The following MYRFL variants were observed in gnomAD, a reference collection of about 807,000 sequenced individuals.
MYRFL encodes myelin regulatory factor like.
A neutral mutation model predicts 109.4 loss-of-function variants in MYRFL; 88 were observed. That is an observed-to-expected ratio of 0.80 (90% confidence interval 0.68 to 0.96). MYRFL has a LOEUF of 0.96. Ranked by LOEUF, MYRFL falls within the 40% of genes least tolerant of loss-of-function variation. The pLI, the probability that MYRFL is intolerant of heterozygous loss-of-function variation, is 0.00. For missense variants in MYRFL, 957 were observed against 954.9 expected, an observed-to-expected ratio of 1.00 and a Z score of -0.03; for synonymous variants, 324 against 320.9, an observed-to-expected ratio of 1.01 and a Z score of -0.10.
At chr12:69,872,753 C>G (rs1217820863) in intron 2 of MYRFL, among the ~76,000 whole-genome samples, 1 of 152,082 alleles carries the variant, frequency 6.6e-6, no homozygotes, top group African/African-American at 2.4e-5. Flanking sequence ...CCTGCCTCGG[C>G]CTCCCAAAGT....
intron 2 of MYRFL, among the ~76,000 whole-genome samples, chr12:69,861,906 A>G (rs1320658220): frequency 6.6e-6 from 1 of 151,886 alleles, no homozygotes; most frequent in Non-Finnish European, 1.5e-5. Context: ...TCTTTAATCC[A>G]TCTTGAATTA....
chr12:69,870,341 T>C (rs1885284015), intron 2 of MYRFL, among the ~76,000 whole-genome samples: 1 of 150,724 alleles, frequency 6.6e-6, no homozygotes, highest in African/African-American at 2.4e-5. Flanking sequence ...GCCTCCCGAA[T>C]CTCTTGATTT....
At chr12:69,840,888 C>A (rs185115924) in intron 1 of MYRFL, among the ~76,000 whole-genome samples, 2 of 152,328 alleles carry the variant, frequency 1.3e-5, no homozygotes, top group East Asian at 3.9e-4. Context: ...ACACAATGTG[C>A]TTGAACTATT....
At chr12:69,854,890 A>G (rs1884177130) in intron 1 of MYRFL, among the ~76,000 whole-genome samples, 1 of 152,194 alleles carries the variant, frequency 6.6e-6, no homozygotes, top group African/African-American at 2.4e-5. Context: ...TTTTTATAGT[A>G]TGCAGCCCTA....
chr12:69,900,477 A>G (rs1954145017), intron 10 of MYRFL, among the ~76,000 whole-genome samples: 1 of 152,158 alleles, frequency 6.6e-6, no homozygotes, highest in Non-Finnish European at 1.5e-5. Flanking sequence ...GAACACAGAT[A>G]CCTGTGTTTT....
intron 1 of MYRFL, among the ~76,000 whole-genome samples, chr12:69,837,940 G>A (rs552722411): frequency 6.6e-6 from 1 of 152,064 alleles, no homozygotes; most frequent in East Asian, 1.9e-4. Context: ...CCTAGGGACT[G>A]GTACATAGCA....
intron 5 of MYRFL, among the ~76,000 whole-genome samples, chr12:69,882,499 T>A (rs1886187825): frequency 6.6e-6 from 1 of 152,160 alleles, no homozygotes; most frequent in Non-Finnish European, 1.5e-5. Context: ...GTTATGCCAG[T>A]CTTACAGGCA....
intron 19 of MYRFL, among the ~76,000 whole-genome samples, chr12:69,940,598 A>G (rs1191603550): frequency 6.6e-6 from 1 of 152,226 alleles, no homozygotes; most frequent in African/African-American, 2.4e-5. Context: ...CTGCAAAATC[A>G]TCGAGGCTAG....
intron 14 of MYRFL, among the ~76,000 whole-genome samples, chr12:69,927,177 T>C (rs1261638): frequency 0.28 from 41,848 of 151,830 alleles, 6,069 homozygotes; most frequent in Non-Finnish European, 0.33. Context: ...ACTCCTGACC[T>C]CAGGTGTTCC....
rs1314327317 is a variant in MYRFL at position 69,895,301 on chromosome 12, A to G, written c.981-70A>G. On this transcript the variant is annotated intron_variant, in intron 8 of 24. Coordinates refer to ENST00000552032, the MANE Select transcript of MYRFL (RefSeq NM_182530.3). ...AGCATAGATGAGAGTCTGAAAGTGG[A>G]TTAGATATGATCAGAGATTTGGTGT... The G allele has an allele frequency of 3.5e-6, 4 of 1,135,546 alleles. No individual in the cohort carries two copies. In the African/African-American group the frequency reaches 4.7e-5, roughly 13 times the overall value. 70.3% of individuals were successfully genotyped at this position (1,135,546 alleles called of 1,614,324 possible). A position where few individuals can be genotyped will look rare whatever the true frequency, so the allele number is the denominator to read the frequency against.
intron 2 of MYRFL, among the ~76,000 whole-genome samples, chr12:69,857,549 T>C (rs904234118): frequency 4.6e-5 from 7 of 151,836 alleles, no homozygotes; most frequent in Non-Finnish European, 1.0e-4. Context: ...ATTGAGGGCT[T>C]CTTTGATTTC....
intron 19 of MYRFL, among the ~76,000 whole-genome samples, chr12:69,945,107 A>G (rs1327051609): frequency 6.6e-6 from 1 of 152,198 alleles, no homozygotes; most frequent in Non-Finnish European, 1.5e-5. Flanking sequence ...TGTTATTACA[A>G]GAGTCAAAAA....
Position 69,927,711 on chromosome 12 carries a change from C to A in MYRFL, c.1793C>A (p.Ser598Tyr). Reference sequence around the variant, plus strand: ...AAATCTAGCAGAGCCGTTAGTGCATCTTCTCCAAGAAGGGCCGTTCATAAA... The same window carrying A: ...AAATCTAGCAGAGCCGTTAGTGCATATTCTCCAAGAAGGGCCGTTCATAAA... ...ISKSSRAVSA[S>Y]SPRRAVHKKN... Residue 598 changes from serine (S) to tyrosine (Y), a missense_variant, in exon 15 of 25, where the codon TCT becomes TAT. By Grantham distance (144) the Ser-to-Tyr change is moderately radical. Transcript: ENST00000552032. 6.5e-7 allele frequency: 1 copy of A among 1,533,754 alleles called. No homozygotes were observed. The highest frequency in any genetic ancestry group is 8.7e-7 in the Non-Finnish European group (1 of 1,146,402).
chr12:69,865,665 T>C (rs1432029386), intron 2 of MYRFL, among the ~76,000 whole-genome samples: 5 of 152,126 alleles, frequency 3.3e-5, no homozygotes, highest in Non-Finnish European at 5.9e-5. Flanking sequence ...CTTTGGGGTA[T>C]TGTGTTCTGA....
At chr12:69,926,879 T>G in intron 14 of MYRFL, 145 bp downstream of exon 14, 1 of 671,452 alleles carries the variant, frequency 1.5e-6, no homozygotes, top group Non-Finnish European at 2.1e-6. Flanking sequence ...TTTTAGAATA[T>G]TTTGGAGCAC....
At chr12:69,892,406 TTTG>T (rs1360554423) in intron 7 of MYRFL, among the ~76,000 whole-genome samples, 13 of 150,812 alleles carry the variant, frequency 8.6e-5, no homozygotes, top group Admixed American at 5.2e-4. Context: ...TTTTGTTGTT[TTTG>T]TTGTTGTTTT....
At chr12:69,887,378 A>G (rs1886523786) in intron 6 of MYRFL, among the ~76,000 whole-genome samples, 1 of 152,180 alleles carries the variant, frequency 6.6e-6, no homozygotes, top group Admixed American at 6.5e-5. Flanking sequence ...CCCCCCACGT[A>G]TATGCTGTGA....
intron 13 of MYRFL, among the ~76,000 whole-genome samples, chr12:69,917,866 C>T (rs1954794006): frequency 6.9e-6 from 1 of 145,344 alleles, no homozygotes; most frequent in African/African-American, 2.6e-5. Flanking sequence ...AAGATAAGGT[C>T]AATATTGGCT....
intron 15 of MYRFL, among the ~76,000 whole-genome samples, chr12:69,928,703 T>C (rs758285868): frequency 1.3e-5 from 2 of 152,078 alleles, no homozygotes; most frequent in South Asian, 2.1e-4. Flanking sequence ...CACTGGGAAA[T>C]AGGGACAATT....
Sources: allele counts gnomAD v4.1 joint callset (sites outside exome capture counted in the v4.1 genomes callset), GRCh38; gene constraint gnomAD v4.1.1; transcripts MANE v1.5; gene names NCBI Gene and HGNC (gene_info 2026-07-23, HGNC 2026-07-21).